SEMA5A: variants seen among roughly 807,000 people sequenced by gnomAD.
The protein encoded by SEMA5A is semaphorin 5A, also known as semaphorin-5A.
Under a neutral mutation model 135.5 loss-of-function variants are expected in SEMA5A, and 55 were observed. That is an observed-to-expected ratio of 0.41 (90% CI 0.33 to 0.51). The LOEUF is 0.51. Ranked by LOEUF, SEMA5A falls within the 20% of genes least tolerant of loss-of-function variation. SEMA5A has a pLI of 0.37. For missense variants in SEMA5A, 1,290 were observed against 1,419.9 expected (o/e 0.91, Z 1.47); for synonymous variants, 580 against 546.5 (o/e 1.06, Z -0.85).
chr5:9,190,648 T>G (rs887958404), intron 10 of SEMA5A, among the ~76,000 whole-genome samples, 177 bp from the exon 11 acceptor site: 2 of 152,120 alleles, frequency 1.3e-5, no homozygotes, highest in African/African-American at 2.4e-5. Context: ...AGCATCCTTT[T>G]CATGTTAGAT....
chr5:9,202,390 T>TCG, intron 8 of SEMA5A, 150 bp from the exon 9 acceptor site: 1 of 581,004 alleles, frequency 1.7e-6, no homozygotes, highest in Non-Finnish European at 2.7e-6. Context: ...GTGAGCAGCT[T>TCG]AATGATCTAC....
At position 9,155,034 on chromosome 5, in the gene SEMA5A, A is replaced by G. The variant is rs141042804; in HGVS notation, c.1274-339T>C. On this transcript the variant is annotated intron_variant, in intron 11 of 22. Coordinates refer to ENST00000382496, the MANE Select transcript of SEMA5A (RefSeq NM_003966.3). Reference sequence around the variant, plus strand: ...ATCCCATGGAAAACATCAGGAAAGAAAGACCCTCAAGGGACGATCTTGGAT... The same window carrying G: ...ATCCCATGGAAAACATCAGGAAAGAGAGACCCTCAAGGGACGATCTTGGAT... Among the ~76,000 whole-genome samples the G allele has an allele frequency of 3.5e-3, 540 of 152,326 alleles. 2 individuals are homozygous for G. Among genetic ancestry groups the G allele is most frequent in the African/African-American group, 0.013 (521 of 41,584 alleles).
At chr5:9,113,136 A>T (rs1455669067) in intron 15 of SEMA5A, among the ~76,000 whole-genome samples, 1 of 152,188 alleles carries the variant, frequency 6.6e-6, no homozygotes, top group Non-Finnish European at 1.5e-5. Flanking sequence ...TGCCCAGATT[A>T]AAAAACTCAT....
chr5:9,408,733 A>C (rs1302676871), intron 2 of SEMA5A, among the ~76,000 whole-genome samples: 1 of 152,198 alleles, frequency 6.6e-6, no homozygotes, highest in Non-Finnish European at 1.5e-5. Context: ...AGTTCACAGA[A>C]CTAAAATTTG....
Position 9,357,535 on chromosome 5 carries a change from A to G in SEMA5A, c.125-19723T>C, listed in dbSNP as rs545117999. Among the ~76,000 whole-genome samples, 6 of 152,342 alleles carry G rather than the reference A, an allele frequency of 3.9e-5. No individual in the cohort carries two copies. The South Asian group carries it at 1.2e-3, about 32-fold the overall frequency. ...TTTCTATTTTTGCTCCTCCCCAAAC[A>G]TAAACATTACTCCATTAAAAATACC... On this transcript the variant is annotated intron_variant, in intron 3 of 22. Transcript: ENST00000382496.
intron 15 of SEMA5A, among the ~76,000 whole-genome samples, chr5:9,114,465 T>A (rs975096): frequency 2.6e-5 from 4 of 151,386 alleles, no homozygotes; most frequent in African/African-American, 4.9e-5. Flanking sequence ...TATGTTTTTT[T>A]TGTGTGTGTG....
chr5:9,486,484 G>A (rs1378212129), intron 1 of SEMA5A, among the ~76,000 whole-genome samples: 1 of 151,770 alleles, frequency 6.6e-6, no homozygotes, highest in Non-Finnish European at 1.5e-5. Context: ...CAACTCCCTG[G>A]GTTAAATTGC....
intron 21 of SEMA5A, 152 bp from the exon 22 acceptor site, chr5:9,044,736 G>GAAATGTCATGGCCATCAA: frequency 1.6e-6 from 1 of 633,386 alleles, no homozygotes; most frequent in Non-Finnish European, 2.7e-6. Context: ...TCTTTCATTG[G>GAAATGTCATGGCCATCAA]AAATGTCATG....
rs376099844 is a variant in SEMA5A, at chr5:9,138,525, T to C, written c.1482-1904A>G. ...AAATATAGCTCTACCTTACTCCCTTTAACAGCTGTATAGTGCTCCATTTCT... is the reference window on the plus strand; with the variant it reads ...AAATATAGCTCTACCTTACTCCCTTCAACAGCTGTATAGTGCTCCATTTCT... On this transcript the variant is annotated intron_variant, in intron 12 of 22. Transcript: ENST00000382496. 7.9e-5 allele frequency among the ~76,000 whole-genome samples: 12 copies of C among 152,360 alleles called. No homozygotes were observed. The East Asian group carries it at 2.3e-3, about 29-fold the overall frequency.
intron 6 of SEMA5A, among the ~76,000 whole-genome samples, chr5:9,229,022 C>T: frequency 6.6e-6 from 1 of 152,178 alleles, no homozygotes; most frequent in East Asian, 1.9e-4. Flanking sequence ...AACTCCTGGG[C>T]TCAAATGATC....
intron 5 of SEMA5A, among the ~76,000 whole-genome samples, chr5:9,258,319 T>G (rs1288008521): frequency 6.6e-6 from 1 of 152,126 alleles, no homozygotes; most frequent in Non-Finnish European, 1.5e-5. Context: ...GGCCATTGGG[T>G]TACAAATGAA....
chr5:9,062,775 G>A (rs1198162471), intron 18 of SEMA5A, 112 bp downstream of exon 18: 20 of 1,099,366 alleles, frequency 1.8e-5, no homozygotes, highest in Non-Finnish European at 2.6e-5. Context: ...CATTTATTAA[G>A]AACACAGATC....
intron 5 of SEMA5A, among the ~76,000 whole-genome samples, chr5:9,304,344 T>A (rs1579311708): frequency 6.6e-6 from 1 of 152,116 alleles, no homozygotes; most frequent in Admixed American, 6.6e-5. Context: ...CCTTAATAAT[T>A]TTCGATGAAC....
chr5:9,128,108 G>C (rs1741216592), intron 13 of SEMA5A, among the ~76,000 whole-genome samples: 1 of 152,206 alleles, frequency 6.6e-6, no homozygotes, highest in South Asian at 2.1e-4. Context: ...GAAAAAAAGA[G>C]GATTTGCATT....
chr5:9,496,530 G>C (rs10045733), intron 1 of SEMA5A, among the ~76,000 whole-genome samples: 1,627 of 152,152 alleles, frequency 0.011, 27 homozygotes, highest in African/African-American at 0.037. Context: ...TAATGAAGCA[G>C]CTATCACTAA....
chr5:9,237,954 A>G, intron 5 of SEMA5A, 64 bp from the exon 6 acceptor site: 1 of 1,470,058 alleles, frequency 6.8e-7, no homozygotes, highest in Non-Finnish European at 9.5e-7. Context: ...AAATATAAAC[A>G]AGGTAACAAG....
intron 1 of SEMA5A, among the ~76,000 whole-genome samples, chr5:9,518,893 T>A (rs1736667486): frequency 6.7e-6 from 1 of 149,694 alleles, no homozygotes; most frequent in African/African-American, 2.5e-5. Context: ...CTTTCACCTA[T>A]TTTTTTTTTC....
rs117010161 is a variant in SEMA5A at position 9,394,444 on chromosome 5, T to C, written c.-77-14421A>G. On this transcript the variant is annotated intron_variant, in intron 2 of 22. Transcript: ENST00000382496. ...TGGCTTCCTGTGATGTGGGATACGG[T>C]GTCCCTGCTGTACACTAAAGCCACA... Among the ~76,000 whole-genome samples, 3 of 152,242 alleles carry C rather than the reference T, an allele frequency of 2.0e-5. No individual in the cohort carries two copies. The East Asian group carries it at 5.8e-4, about 29-fold the overall frequency.
intron 16 of SEMA5A, among the ~76,000 whole-genome samples, chr5:9,083,143 C>T (rs1465934735): frequency 6.6e-6 from 1 of 152,186 alleles, no homozygotes; most frequent in Non-Finnish European, 1.5e-5. Context: ...TGGTCAACGT[C>T]CCTGTGACAT....
Sources: allele counts gnomAD v4.1 joint callset (sites outside exome capture counted in the v4.1 genomes callset), GRCh38; gene constraint gnomAD v4.1.1; transcripts MANE v1.5; gene names NCBI Gene and HGNC (gene_info 2026-07-23, HGNC 2026-07-21).